ERVH48-1: variants seen among roughly 807,000 people sequenced by gnomAD.
The protein encoded by ERVH48-1 is endogenous retrovirus group 48 member 1, envelope.
A neutral mutation model predicts 2.4 loss-of-function variants in ERVH48-1; 4 were observed. The observed-to-expected ratio is 1.68, with a 90% CI of 0.83 to 3.84. The LOEUF (loss-of-function observed/expected upper bound fraction) is 3.84, where lower values mean the gene tolerates loss of function less well. Among genes scored for constraint, ERVH48-1 ranks in the 30% most tolerant of loss-of-function variants. ERVH48-1 has a pLI of 0.01. For missense variants in ERVH48-1, 97 were observed against 43.4 expected (o/e 2.23, Z -3.47); for synonymous variants, 32 against 15.5 (o/e 2.06, Z -2.49).
At position 42,918,786 on chromosome 21, in the gene ERVH48-1, T is replaced by G. The variant is rs1287312316; in HGVS notation, c.221A>C (p.Asn74Thr). Residue 74 changes from asparagine to threonine, a missense_variant, in exon 2 of 2, where the codon AAC becomes ACC. Physicochemically the swap from Asn to Thr is moderately conservative, Grantham distance 65. Coordinates refer to ENST00000447535, the MANE Select transcript of ERVH48-1 (RefSeq NM_001308491.2). The stretch of plus-strand genomic sequence containing the variant: ...TGATTCAACACATTCCTCGATTAAG[T>G]TTCCATAACAGGATCTTTCTATATG... ...HTHIERSCYGNLIEECVESGK... is the reference protein window; with the variant it reads ...HTHIERSCYGTLIEECVESGK... 2.2e-6 allele frequency: 1 copy of G among 456,712 alleles called. No individual in the cohort carries two copies. The highest frequency in any genetic ancestry group is 1.5e-5 in the South Asian group (1 of 64,572). The allele number at this position is 456,712 out of a possible 1,614,324, so 28.3% of individuals were successfully genotyped here.
At position 42,918,948 on chromosome 21, in the gene ERVH48-1, A is replaced by G. The variant is rs1234712253; in HGVS notation, c.59T>C (p.Met20Thr). ...TAGGATCGTGGTGAGGGATATTCCC[A>G]TATTAAGACTTTTGGTTGGAAGAGA... ...YTSLPTKSLN[M>T]GISLTTILIL... Residue 20 changes from methionine to threonine, a missense_variant, in exon 2 of 2, where the codon ATG becomes ACG. By Grantham distance (81) the Met-to-Thr change is moderately conservative (BLOSUM62 -1). Transcript: ENST00000447535. 2 of 717,792 alleles carry G rather than the reference A, an allele frequency of 2.8e-6. No individual in the cohort carries two copies. Among genetic ancestry groups the G allele is most frequent in the Non-Finnish European group, 4.3e-6 (2 of 466,530 alleles). 44.5% of individuals were successfully genotyped at this position (717,792 alleles called of 1,614,324 possible).
rs2058794673 is a variant in ERVH48-1, at chr21:42,918,276, A to C, written c.*248T>G. On this transcript the variant is annotated 3_prime_UTR_variant, in exon 2 of 2. Coordinates refer to ENST00000447535, the MANE Select transcript of ERVH48-1 (RefSeq NM_001308491.2). Reference sequence around the variant, plus strand: ...TGGGTTTTATCAGTCCACTTGCGGGATATGCACACCGTCCCTCATACTGGG... The same window carrying C: ...TGGGTTTTATCAGTCCACTTGCGGGCTATGCACACCGTCCCTCATACTGGG... 6.0e-6 allele frequency: 2 copies of C among 333,772 alleles called. No homozygotes were observed. Among genetic ancestry groups the C allele is most frequent in the Admixed American group, 8.6e-5 (2 of 23,302 alleles). 20.7% of individuals were successfully genotyped at this position (333,772 alleles called of 1,614,324 possible).
At chr21:42,924,613 C>A (rs984898952) in intron 1 of ERVH48-1, among the ~76,000 whole-genome samples, 5 of 152,128 alleles carry the variant, frequency 3.3e-5, no homozygotes, top group African/African-American at 1.2e-4. Flanking sequence ...CCATTTGTGG[C>A]CCATTTGGAC....
chr21:42,925,308 G>C (rs563703982), intron 1 of ERVH48-1, 38 bp downstream of exon 1: 9 of 375,546 alleles, frequency 2.4e-5, no homozygotes, highest in Non-Finnish European at 3.9e-5. Context: ...GAGGCCGTGC[G>C]GATTTTTCCC....
chr21:42,919,905 G>C (rs1319590431), intron 1 of ERVH48-1, among the ~76,000 whole-genome samples: 5 of 152,182 alleles, frequency 3.3e-5, no homozygotes, highest in Admixed American at 2.6e-4. Context: ...TACCAATCCT[G>C]CCCGGGTACC....
chr21:42,922,191 A>C (rs896990726), intron 1 of ERVH48-1, among the ~76,000 whole-genome samples: 1 of 152,042 alleles, frequency 6.6e-6, no homozygotes, highest in Non-Finnish European at 1.5e-5. Flanking sequence ...AGGGTAATGC[A>C]GAAGGGGGTG....
chr21:42,922,550 A>C (rs1057217835), intron 1 of ERVH48-1, among the ~76,000 whole-genome samples: 8 of 151,778 alleles, frequency 5.3e-5, no homozygotes, highest in South Asian at 2.1e-4. Flanking sequence ...ACCATCCTGG[A>C]TAACACGGTG....
intron 1 of ERVH48-1, among the ~76,000 whole-genome samples, chr21:42,923,559 G>A (rs970344677): frequency 2.6e-5 from 4 of 152,124 alleles, no homozygotes; most frequent in Non-Finnish European, 5.9e-5. Flanking sequence ...CTGGGTTTTC[G>A]TCAGGACCTT....
In ERVH48-1 at chr21:42,925,596, G is replaced by A. The variant is rs1186856748; in HGVS notation, c.-536C>T. On this transcript the variant is annotated 5_prime_UTR_variant, in exon 1 of 2. Coordinates refer to ENST00000447535, the MANE Select transcript of ERVH48-1 (RefSeq NM_001308491.2). Reference sequence around the variant, plus strand: ...AACACACTGTTTTAATAAGCACCTGGATGCAGACAGACTGAGGCCTAGAAT... The same window carrying A: ...AACACACTGTTTTAATAAGCACCTGAATGCAGACAGACTGAGGCCTAGAAT... The A allele has an allele frequency of 1.8e-5, 4 of 225,986 alleles. No individual in the cohort carries two copies. Among genetic ancestry groups the A allele is most frequent in the Middle Eastern group, 1.5e-3 (1 of 656 alleles). The allele number at this position is 225,986 out of a possible 1,614,324, so 14.0% of individuals were successfully genotyped here.
intron 1 of ERVH48-1, among the ~76,000 whole-genome samples, chr21:42,919,602 A>G (rs866037254): frequency 2.0e-5 from 3 of 152,112 alleles, no homozygotes; most frequent in Middle Eastern, 3.2e-3. Flanking sequence ...GACAGAGTTG[A>G]CCTTTTCAAC....
intron 1 of ERVH48-1, among the ~76,000 whole-genome samples, chr21:42,920,771 A>C (rs2058803302): frequency 6.6e-6 from 1 of 152,124 alleles, no homozygotes; most frequent in South Asian, 2.1e-4. Flanking sequence ...GGTGTGGAAA[A>C]GGTAAGAAAA....
chr21:42,920,572 G>A (rs933139070), intron 1 of ERVH48-1, among the ~76,000 whole-genome samples: 2 of 152,170 alleles, frequency 1.3e-5, no homozygotes, highest in Admixed American at 6.5e-5. Flanking sequence ...CCAGCTGCTC[G>A]AGTGAGAGCT....
At chr21:42,920,284 G>A (rs937975362) in intron 1 of ERVH48-1, among the ~76,000 whole-genome samples, 2 of 152,176 alleles carry the variant, frequency 1.3e-5, no homozygotes, top group East Asian at 3.9e-4. Flanking sequence ...GAGAGAACGA[G>A]GACAGGGAAA....
At chr21:42,921,200 G>A (rs767806537) in intron 1 of ERVH48-1, among the ~76,000 whole-genome samples, 1 of 152,106 alleles carries the variant, frequency 6.6e-6, no homozygotes, top group Non-Finnish European at 1.5e-5. Flanking sequence ...AGGGAGAAAG[G>A]TTTGGTGAGG....
intron 1 of ERVH48-1, among the ~76,000 whole-genome samples, chr21:42,924,169 C>T (rs1041223822): frequency 6.6e-6 from 1 of 151,736 alleles, no homozygotes; most frequent in East Asian, 1.9e-4. Context: ...TAGATAGGAG[C>T]GGAAGGTGGC....
In ERVH48-1 at chr21:42,917,099, G is replaced by A. The variant is rs985688653; in HGVS notation, c.*1425C>T. ...TTCATCCCGCAAGCTTTCAGGCCCC[G>A]AGGAGAATCTTCCATTCCTGTCTAT... On this transcript the variant is annotated 3_prime_UTR_variant, in exon 2 of 2. Coordinates refer to ENST00000447535, the MANE Select transcript of ERVH48-1 (RefSeq NM_001308491.2). 6 of 152,158 alleles carry A rather than the reference G, an allele frequency of 3.9e-5. No homozygotes were observed. Among genetic ancestry groups the A allele is most frequent in the East Asian group, 1.9e-4 (1 of 5,196 alleles). 9.4% of individuals were successfully genotyped at this position (152,158 alleles called of 1,614,324 possible).
In ERVH48-1 at chr21:42,918,960, T is replaced by C. The variant is rs141435072; in HGVS notation, c.47A>G (p.Lys16Arg). ...PTTFYTSLPT[K>R]SLNMGISLTT... ...GAGGGATATTCCCATATTAAGACTT[T>C]TGGTTGGAAGAGAGGTATAGAAAGT... is the stretch of plus-strand genomic sequence containing the variant. Residue 16 changes from lysine to arginine, a missense_variant, in exon 2 of 2, where the codon AAA (lysine) becomes AGA (arginine). Coordinates refer to ENST00000447535, the MANE Select transcript of ERVH48-1 (RefSeq NM_001308491.2). 6 of 823,934 alleles carry C rather than the reference T, an allele frequency of 7.3e-6. No homozygotes were observed. The East Asian group carries it at 2.5e-4, about 35-fold the overall frequency. The allele number at this position is 823,934 out of a possible 1,614,324, so 51.0% of individuals were successfully genotyped here.
At chr21:42,919,397 G>A in intron 1 of ERVH48-1, 106 bp from the exon 2 acceptor site, 1 of 171,682 alleles carries the variant, frequency 5.8e-6, no homozygotes, top group Non-Finnish European at 1.3e-5. Flanking sequence ...ATTAAGGAGG[G>A]GAGGTAATTC....
At position 42,918,435 on chromosome 21, in the gene ERVH48-1, CCAA is replaced by C; in HGVS notation, c.*86_*88del. The C allele has an allele frequency of 2.6e-6, 1 of 384,078 alleles. No individual in the cohort carries two copies. Among genetic ancestry groups the C allele is most frequent in the South Asian group, 2.0e-5 (1 of 50,652 alleles). The allele number at this position is 384,078 out of a possible 1,614,324, so 23.8% of individuals were successfully genotyped here. ...TCACTCATAAAGCTCCCCCGCATAC[CCAA>C]CAATTGGACACATTCATGGTAAGCA... On this transcript the variant is annotated 3_prime_UTR_variant, in exon 2 of 2. Coordinates refer to ENST00000447535, the MANE Select transcript of ERVH48-1 (RefSeq NM_001308491.2).
Sources: allele counts gnomAD v4.1 joint callset (sites outside exome capture counted in the v4.1 genomes callset), GRCh38; gene constraint gnomAD v4.1.1; transcripts MANE v1.5; gene names NCBI Gene and HGNC (gene_info 2026-07-23, HGNC 2026-07-21).